CXADR: variants seen among roughly 807,000 people sequenced by gnomAD.
The protein encoded by CXADR is coxsackievirus and adenovirus receptor.
Under a neutral mutation model 40.3 loss-of-function variants are expected in CXADR, and 20 were observed. That is an observed-to-expected ratio of 0.50 (90% CI 0.35 to 0.72). The LOEUF (loss-of-function observed/expected upper bound fraction) is 0.72. Among genes scored for constraint, CXADR ranks in the 30% least tolerant of loss-of-function variants. The probability of loss-of-function intolerance (pLI) is 0.01; values close to 1 mark genes in which losing one functional copy is unlikely to be tolerated. For missense variants in CXADR, 332 were observed against 449.1 expected (o/e 0.74, Z 2.36); for synonymous variants, 150 against 161.3 (o/e 0.93, Z 0.53).
chr21:17,579,705 G>A (rs533316029), intron 7 of CXADR, among the ~76,000 whole-genome samples: 3 of 152,326 alleles, frequency 2.0e-5, no homozygotes, highest in South Asian at 2.1e-4. Flanking sequence ...AAGAATGGGA[G>A]AGAGAAGAGG....
intron 1 of CXADR, among the ~76,000 whole-genome samples, chr21:17,532,176 T>C (rs2060686782): frequency 6.6e-6 from 1 of 152,090 alleles, no homozygotes; most frequent in African/African-American, 2.4e-5. Context: ...TAAGCAGTCT[T>C]CCTGCCCCAA....
At chr21:17,534,383 C>T (rs936995975) in intron 1 of CXADR, among the ~76,000 whole-genome samples, 2 of 152,104 alleles carry the variant, frequency 1.3e-5, no homozygotes, top group African/African-American at 2.4e-5. Flanking sequence ...GCGTGAGCCA[C>T]GGCACCCGGC....
chr21:17,629,145 C>T, the CXADR span, among the ~76,000 whole-genome samples: 4 of 152,094 alleles, frequency 2.6e-5, no homozygotes, highest in African/African-American at 9.6e-5. Flanking sequence ...TTTGGGAGGC[C>T]GAGGTGGGCC....
the CXADR span, among the ~76,000 whole-genome samples, chr21:17,635,523 C>T: frequency 6.6e-6 from 1 of 152,246 alleles, no homozygotes; most frequent in South Asian, 2.1e-4. Flanking sequence ...ACCTGGCCTC[C>T]AGAGGGTGGA....
intron 6 of CXADR, 74 bp downstream of exon 6, chr21:17,561,550 T>G (rs1313351724): frequency 7.7e-7 from 1 of 1,297,836 alleles, no homozygotes; most frequent in South Asian, 1.6e-5. Flanking sequence ...CGTTCTCTTA[T>G]TAACCACCCA....
chr21:17,557,343 C>G (rs977005600), intron 3 of CXADR, among the ~76,000 whole-genome samples: 14 of 152,234 alleles, frequency 9.2e-5, no homozygotes, highest in Middle Eastern at 3.2e-3. Flanking sequence ...GGCCCCACCT[C>G]CTCACAGCTC....
chr21:17,585,781 G>A (rs2061391435), intron 7 of CXADR, among the ~76,000 whole-genome samples: 1 of 152,184 alleles, frequency 6.6e-6, no homozygotes, highest in South Asian at 2.1e-4. Context: ...GCCTCCCAAA[G>A]TGCTGGGATT....
the CXADR span, among the ~76,000 whole-genome samples, chr21:17,634,366 C>T: frequency 6.6e-6 from 1 of 152,146 alleles, no homozygotes; most frequent in South Asian, 2.1e-4. Flanking sequence ...GTTCATGTTG[C>T]GTATCTTTTT....
chr21:17,561,686 C>T (rs2061123940), intron 6 of CXADR, among the ~76,000 whole-genome samples: 1 of 152,164 alleles, frequency 6.6e-6, no homozygotes, highest in Admixed American at 6.5e-5. Context: ...CCCCAACCTT[C>T]TCGTACCCCA....
chr21:17,524,393 C>A (rs922670080), intron 1 of CXADR, among the ~76,000 whole-genome samples: 4 of 151,012 alleles, frequency 2.6e-5, no homozygotes, highest in Non-Finnish European at 5.9e-5. Context: ...GAAACCCTGT[C>A]TCTACTAAAA....
the CXADR span, among the ~76,000 whole-genome samples, chr21:17,619,518 G>A: frequency 1.3e-5 from 2 of 152,060 alleles, no homozygotes; most frequent in African/African-American, 4.8e-5. Context: ...GAGCCTGGGA[G>A]GCAGAGGTTT....
downstream of CXADR, among the ~76,000 whole-genome samples, chr21:17,594,949 A>ATGTT (rs1491365249): frequency 6.6e-6 from 1 of 151,930 alleles, no homozygotes; most frequent in Non-Finnish European, 1.5e-5. Context: ...CCTGTGACAC[A>ATGTT]TGTTTACCTA....
chr21:17,543,045 A>T (rs1600989600), intron 1 of CXADR: 1 of 374,566 alleles, frequency 2.7e-6, no homozygotes, highest in African/African-American at 2.1e-5. Flanking sequence ...GTGAAGAGGA[A>T]TTGAAGGCTT....
chr21:17,589,736 A>G (rs528048565), intron 7 of CXADR, among the ~76,000 whole-genome samples: 12 of 152,194 alleles, frequency 7.9e-5, no homozygotes, highest in African/African-American at 2.6e-4. Context: ...TGCAGTGAAC[A>G]CTTATTACGT....
chr21:17,525,188 A>G (rs998444732), intron 1 of CXADR, among the ~76,000 whole-genome samples: 1 of 152,216 alleles, frequency 6.6e-6, no homozygotes, highest in African/African-American at 2.4e-5. Context: ...AGAAAATGCA[A>G]ATTTCTTTGG....
chr21:17,535,818 A>G (rs1000685046), intron 1 of CXADR, among the ~76,000 whole-genome samples: 1 of 152,114 alleles, frequency 6.6e-6, no homozygotes, highest in African/African-American at 2.4e-5. Flanking sequence ...ACCAGCCTGA[A>G]TAACACAGTG....
In CXADR at chr21:17,566,464, T is replaced by C. The variant is rs1264935935; in HGVS notation, c.*772T>C. On this transcript the variant is annotated 3_prime_UTR_variant, in exon 7 of 7. Transcript: ENST00000284878. ...CAATAGCAGGGATAGATTTTGTTGGTGAGTAGTCTCATGCCTTGAGATCTG... is the reference window on the plus strand; with the variant it reads ...CAATAGCAGGGATAGATTTTGTTGGCGAGTAGTCTCATGCCTTGAGATCTG... 1 of 985,292 alleles carries C rather than the reference T, an allele frequency of 1.0e-6. No homozygotes were observed. The highest frequency in any genetic ancestry group is 1.7e-5 in the African/African-American group (1 of 57,222). 61.0% of individuals were successfully genotyped at this position (985,292 alleles called of 1,614,324 possible).
At position 17,568,868 on chromosome 21, in the gene CXADR, T is replaced by G; in HGVS notation, c.*3176T>G. ...TTGCTTCTTTTTAATTTGAGCTATC[T>G]GCCATGGACTTTCTAAAATGGAAAC... On this transcript the variant is annotated 3_prime_UTR_variant, in exon 7 of 7. Coordinates refer to ENST00000284878, the MANE Select transcript of CXADR (RefSeq NM_001338.5). 1 of 985,388 alleles carries G rather than the reference T, an allele frequency of 1.0e-6. No homozygotes were observed. The highest frequency in any genetic ancestry group is 1.2e-6 in the Non-Finnish European group (1 of 829,930). 61.0% of individuals were successfully genotyped at this position (985,388 alleles called of 1,614,324 possible).
At chr21:17,597,203 T>G (rs2123431414), downstream of CXADR, among the ~76,000 whole-genome samples, 1 of 152,188 alleles carries the variant, frequency 6.6e-6, no homozygotes. Flanking sequence ...CAATTTAATT[T>G]TAAAAGAAAT....
Sources: allele counts gnomAD v4.1 joint callset (sites outside exome capture counted in the v4.1 genomes callset), GRCh38; gene constraint gnomAD v4.1.1; transcripts MANE v1.5; gene names NCBI Gene and HGNC (gene_info 2026-07-23, HGNC 2026-07-21).